The following GALNT18 variants were observed in gnomAD, a reference collection of about 807,000 sequenced individuals.
GALNT18 encodes GalNAc-transferase 18.
GALNT18 carries 44 observed loss-of-function variants against 69.5 expected under a neutral mutation model. The observed-to-expected ratio is 0.63, with a 90% confidence interval of 0.50 to 0.81. The LOEUF (loss-of-function observed/expected upper bound fraction) is 0.81. Ranked by LOEUF, GALNT18 falls within the 40% of genes least tolerant of loss-of-function variation. GALNT18 has a pLI of 0.00. For synonymous variants in GALNT18, 364 were observed against 318.2 expected (o/e 1.14, Z -1.53); for missense variants, 715 against 810.0 (o/e 0.88, Z 1.42).
In GALNT18 at chr11:11,596,126, T is replaced by C. The variant is rs1438195636; in HGVS notation, c.235+25233A>G. The stretch of plus-strand genomic sequence containing the variant: ...TAGATATCCAGTTGTTCCAGCACCA[T>C]GTGTTAAAAGACTATTCTTTCCCCC... On this transcript the variant is annotated intron_variant, in intron 1 of 10. Coordinates refer to ENST00000227756, the MANE Select transcript of GALNT18 (RefSeq NM_198516.3). This position sits in a 1 kb window ranked among gnomAD's most constrained non-coding sequence, Gnocchi z 4.2. 6.6e-6 allele frequency among the ~76,000 whole-genome samples: 1 copy of C among 152,222 alleles called. No individual in the cohort carries two copies. The highest frequency in any genetic ancestry group is 2.4e-5 in the African/African-American group (1 of 41,470).
In GALNT18 at chr11:11,620,566, A is replaced by T. The variant is rs1860167000; in HGVS notation, c.235+793T>A. ...TCCCAGGGCCTGAGAGTGGAGCTAC[A>T]GTAGGGATCGGCCTTCACCCGGTCC... is the stretch of plus-strand genomic sequence containing the variant. On this transcript the variant is annotated intron_variant, in intron 1 of 10. Transcript: ENST00000227756. The surrounding 1 kb of genome is among the most constrained non-coding windows in gnomAD (Gnocchi z 6.9). Among the ~76,000 whole-genome samples the T allele has an allele frequency of 6.6e-6, 1 of 152,104 alleles. No homozygotes were observed. The highest frequency in any genetic ancestry group is 1.5e-5 in the Non-Finnish European group (1 of 68,002).
At chr11:11,449,570 G>A (rs145962958) in intron 1 of GALNT18, among the ~76,000 whole-genome samples, 7 of 152,202 alleles carry the variant, frequency 4.6e-5, no homozygotes, top group Non-Finnish European at 5.9e-5. Flanking sequence ...CCTGCCCTGC[G>A]CTCTGGGCCC....
At chr11:11,532,633 A>C (rs564632618) in intron 1 of GALNT18, among the ~76,000 whole-genome samples, 19 of 152,392 alleles carry the variant, frequency 1.2e-4, no homozygotes, top group African/African-American at 4.3e-4. Flanking sequence ...GCCTGTGCTC[A>C]GATCATCTTG....
intron 3 of GALNT18, among the ~76,000 whole-genome samples, chr11:11,397,383 A>T (rs1854358572): frequency 6.6e-6 from 1 of 152,190 alleles, no homozygotes; most frequent in South Asian, 2.1e-4. Flanking sequence ...CAAAACCAAA[A>T]TTCTGCTTGT....
intron 2 of GALNT18, among the ~76,000 whole-genome samples, chr11:11,448,535 A>C (rs1855711969): frequency 6.6e-6 from 1 of 152,392 alleles, no homozygotes; most frequent in Middle Eastern, 3.4e-3. Context: ...ACTGGAAGAA[A>C]GCTTTGCCCC....
chr11:11,322,448 A>G (rs1025736086), intron 9 of GALNT18, among the ~76,000 whole-genome samples: 27 of 152,246 alleles, frequency 1.8e-4, no homozygotes, highest in Non-Finnish European at 1.9e-4. Context: ...CAGAAAGCAG[A>G]GCAAGAATTT....
intron 3 of GALNT18, among the ~76,000 whole-genome samples, chr11:11,384,104 A>G (rs1231706069): frequency 6.6e-6 from 1 of 152,024 alleles, no homozygotes; most frequent in Non-Finnish European, 1.5e-5. Context: ...GTACTAATCT[A>G]GTTGCTGTGA....
chr11:11,565,715 G>A (rs1393751730), intron 1 of GALNT18, among the ~76,000 whole-genome samples: 1 of 152,224 alleles, frequency 6.6e-6, no homozygotes, highest in Non-Finnish European at 1.5e-5. Flanking sequence ...CCACAAACTA[G>A]TGGGTGAGAC....
chr11:11,519,080 C>T (rs966052420), intron 1 of GALNT18, among the ~76,000 whole-genome samples: 69 of 152,162 alleles, frequency 4.5e-4, no homozygotes, highest in African/African-American at 1.6e-3. Context: ...TAGGTGCAAT[C>T]GATAGACTGT....
chr11:11,577,300 T>C (rs1003005162), intron 1 of GALNT18, among the ~76,000 whole-genome samples: 1 of 152,172 alleles, frequency 6.6e-6, no homozygotes, highest in Admixed American at 6.5e-5. Flanking sequence ...AGACGACCAC[T>C]GTGGGAGCCA....
chr11:11,296,095 T>A (rs933329974), intron 9 of GALNT18, among the ~76,000 whole-genome samples: 10 of 152,088 alleles, frequency 6.6e-5, no homozygotes, highest in African/African-American at 2.4e-4. Flanking sequence ...CACCCATACC[T>A]CTATTCAACT....
intron 10 of GALNT18, among the ~76,000 whole-genome samples, chr11:11,288,237 C>G (rs144927099): frequency 6.6e-6 from 1 of 152,274 alleles, no homozygotes; most frequent in East Asian, 1.9e-4. Context: ...TAAGTCTTAT[C>G]TCCTACTTGT....
intron 10 of GALNT18, among the ~76,000 whole-genome samples, chr11:11,272,647 C>A (rs372631462): frequency 1.3e-5 from 2 of 152,226 alleles, no homozygotes; most frequent in African/African-American, 4.8e-5. Context: ...GCTTGGGATT[C>A]TTCCCCATGC....
In GALNT18 at chr11:11,602,164, C is replaced by G. The variant is rs1350836590; in HGVS notation, c.235+19195G>C. Among the ~76,000 whole-genome samples, 1 of 152,210 alleles carries G rather than the reference C, an allele frequency of 6.6e-6. No homozygotes were observed. The highest frequency in any genetic ancestry group is 1.5e-5 in the Non-Finnish European group (1 of 68,022). On this transcript the variant is annotated intron_variant, in intron 1 of 10. Coordinates refer to ENST00000227756, the MANE Select transcript of GALNT18 (RefSeq NM_198516.3). This position sits in a 1 kb window ranked among gnomAD's most constrained non-coding sequence, Gnocchi z 4.7. ...AGTAGGAATAGCAGCCTAATTCTTT[C>G]TCCCAGAGTGACATCCCTGCTGTAT...
At chr11:11,513,743 T>C (rs1857209536) in intron 1 of GALNT18, among the ~76,000 whole-genome samples, 1 of 152,276 alleles carries the variant, frequency 6.6e-6, no homozygotes, top group Non-Finnish European at 1.5e-5. Context: ...AACAGTTTTA[T>C]GTCTCCAATG....
At chr11:11,364,631 T>C (rs1468492343) in intron 6 of GALNT18, among the ~76,000 whole-genome samples, 1 of 152,214 alleles carries the variant, frequency 6.6e-6, no homozygotes, top group East Asian at 1.9e-4. Flanking sequence ...TGAATCTTGA[T>C]TCAAGCAAAG....
At chr11:11,529,471 G>A (rs963718582) in intron 1 of GALNT18, among the ~76,000 whole-genome samples, 4 of 152,102 alleles carry the variant, frequency 2.6e-5, no homozygotes, top group Non-Finnish European at 5.9e-5. Flanking sequence ...GCCAGCTTTT[G>A]GACTGGAACT....
intron 1 of GALNT18, among the ~76,000 whole-genome samples, chr11:11,451,342 T>G (rs1042528712): frequency 2.0e-5 from 3 of 152,252 alleles, no homozygotes; most frequent in Admixed American, 2.0e-4. Context: ...TTTATTGCTC[T>G]CGAATACCTA....
At chr11:11,290,059 A>T (rs1049485910) in intron 10 of GALNT18, among the ~76,000 whole-genome samples, 8 of 151,974 alleles carry the variant, frequency 5.3e-5, no homozygotes, top group Admixed American at 3.3e-4. Flanking sequence ...CTACTCCAAG[A>T]CAGCCCAGAG....
Sources: gnomAD v4.1 joint callset for allele counts (sites outside exome capture counted in the v4.1 genomes callset) on GRCh38, gnomAD v4.1.1 for gene constraint, Gnocchi (gnomAD v3.1) non-coding constraint, MANE v1.5 for transcripts, NCBI Gene and HGNC (gene_info 2026-07-23, HGNC 2026-07-21) for gene names.